Variants in KLHL18 observed in about 807,000 individuals in gnomAD.
The protein encoded by KLHL18 is kelch like family member 18, also known as kelch-like protein 18.
In KLHL18, 38 loss-of-function variants were observed where a neutral mutation model predicts 58.5. That is an observed-to-expected ratio of 0.65 (90% CI 0.50 to 0.85). The LOEUF is 0.85. KLHL18 is among the 40% of genes least tolerant of loss of function. The pLI is 0.00. For missense variants in KLHL18, 624 were observed against 778.4 expected, an observed-to-expected ratio of 0.80 and a Z score of 2.36; for synonymous variants, 303 against 301.9, an observed-to-expected ratio of 1.00 and a Z score of -0.04.
chr3:47,296,950 C>T (rs1702908838), intron 1 of KLHL18, among the ~76,000 whole-genome samples: 1 of 152,190 alleles, frequency 6.6e-6, no homozygotes, highest in Admixed American at 6.5e-5. Context: ...GAGGACTCTG[C>T]CCACTTCTCT....
At chr3:47,342,873 C>A in intron 9 of KLHL18, 43 bp downstream of exon 9, 1 of 1,387,832 alleles carries the variant, frequency 7.2e-7, no homozygotes, top group Non-Finnish European at 1.0e-6. Flanking sequence ...CTACTTCTGT[C>A]TTTGAGATTT....
chr3:47,310,425 T>G (rs141061633), intron 1 of KLHL18, among the ~76,000 whole-genome samples: 24 of 152,380 alleles, frequency 1.6e-4, no homozygotes, highest in African/African-American at 5.3e-4. Context: ...AGGTGATCTT[T>G]AGATGTTGAA....
chr3:47,295,738 T>A (rs539640007), intron 1 of KLHL18, among the ~76,000 whole-genome samples: 3 of 151,708 alleles, frequency 2.0e-5, no homozygotes, highest in Non-Finnish European at 1.5e-5. Flanking sequence ...TCAGTTAATT[T>A]AAAAAAAAAT....
intron 1 of KLHL18, among the ~76,000 whole-genome samples, chr3:47,314,685 A>G (rs1703381687): frequency 6.6e-6 from 1 of 152,192 alleles, no homozygotes; most frequent in African/African-American, 2.4e-5. Context: ...GTAATTTTCT[A>G]GATCTGCCCT....
intron 5 of KLHL18, 97 bp downstream of exon 5, chr3:47,333,414 G>A (rs1409766063): frequency 1.6e-6 from 2 of 1,216,008 alleles, no homozygotes; most frequent in Non-Finnish European, 2.3e-6. Context: ...AGCATTTAGA[G>A]TGATCAGTCT....
At chr3:47,308,222 T>A (rs1047069778) in intron 1 of KLHL18, among the ~76,000 whole-genome samples, 3 of 152,138 alleles carry the variant, frequency 2.0e-5, no homozygotes, top group African/African-American at 7.2e-5. Context: ...TGTTCTTTTT[T>A]TTTTTTCCTG....
At chr3:47,286,592 TTC>T (rs1263495194) in intron 1 of KLHL18, among the ~76,000 whole-genome samples, 2 of 152,162 alleles carry the variant, frequency 1.3e-5, no homozygotes, top group Non-Finnish European at 2.9e-5. Context: ...CACCCAGAAT[TTC>T]TGATTCATTA....
At chr3:47,319,350 C>A (rs1576164791) in intron 1 of KLHL18, among the ~76,000 whole-genome samples, 1 of 152,346 alleles carries the variant, frequency 6.6e-6, no homozygotes, top group East Asian at 1.9e-4. Flanking sequence ...GCATTGGAGA[C>A]TACCATATAA....
In KLHL18 at chr3:47,343,547, C is replaced by G. The variant is rs774520362; in HGVS notation, c.1339-8C>G. The G allele has an allele frequency of 1.2e-6, 2 of 1,612,896 alleles. No individual in the cohort carries two copies. The highest frequency in any genetic ancestry group is 1.1e-5 in the South Asian group (1 of 91,030). ...TGTCCTGTACCTGTGCCTCTCTCCC[C>G]ACTGCAGGTGGAACACTACAACCAC... On this transcript the variant is annotated splice_polypyrimidine_tract_variant and splice_region_variant and intron_variant, in intron 9 of 9. Transcript: ENST00000232766.
chr3:47,305,749 T>C (rs756826918), intron 1 of KLHL18, among the ~76,000 whole-genome samples: 25 of 152,282 alleles, frequency 1.6e-4, no homozygotes, highest in Non-Finnish European at 3.4e-4. Flanking sequence ...AGATTTCTTT[T>C]TCAAGCATTT....
chr3:47,319,588 T>A, intron 1 of KLHL18, 65 bp from the exon 2 acceptor site: 1 of 1,577,464 alleles, frequency 6.3e-7, no homozygotes, highest in Non-Finnish European at 8.6e-7. Flanking sequence ...GGGTGGGTTT[T>A]TTTGTTTGTT....
rs192941866 is a variant in KLHL18, at chr3:47,326,965, G to A, written c.402-2986G>A. ...AAAGGAAGGTGTGTTTTGGCCGGGC[G>A]TGGTGGCTCACGCTTGTTATCCTGG... On this transcript the variant is annotated intron_variant, in intron 3 of 9. Coordinates refer to ENST00000232766, the MANE Select transcript of KLHL18 (RefSeq NM_025010.5). Among the ~76,000 whole-genome samples, 25 of 151,704 alleles carry A rather than the reference G, an allele frequency of 1.6e-4. No homozygotes were observed. The East Asian group carries it at 3.9e-3, about 24-fold the overall frequency.
rs910794290 is a variant in KLHL18 at position 47,334,134 on chromosome 3, G to T, written c.762-549G>T. ...GGAGTAGTGTCTGGAGGTAGCTAGG[G>T]CCCAGTGACCAGCGGTCTCAAGGGT... On this transcript the variant is annotated intron_variant, in intron 5 of 9. Coordinates refer to ENST00000232766, the MANE Select transcript of KLHL18 (RefSeq NM_025010.5). The surrounding 1 kb of genome is among the most constrained non-coding windows in gnomAD (Gnocchi z 4.7). Among the ~76,000 whole-genome samples, 1 of 152,146 alleles carries T rather than the reference G, an allele frequency of 6.6e-6. No homozygotes were observed. Among genetic ancestry groups the T allele is most frequent in the African/African-American group, 2.4e-5 (1 of 41,434 alleles).
chr3:47,285,608 A>G (rs1158314194), intron 1 of KLHL18, among the ~76,000 whole-genome samples: 1 of 152,208 alleles, frequency 6.6e-6, no homozygotes, highest in Non-Finnish European at 1.5e-5. Flanking sequence ...GGAATCTTAC[A>G]AGACACAGGG....
intron 2 of KLHL18, among the ~76,000 whole-genome samples, chr3:47,320,097 T>G (rs180843730): frequency 6.6e-6 from 1 of 152,048 alleles, no homozygotes; most frequent in Admixed American, 6.6e-5. Context: ...TTCTCTGCAC[T>G]TTTCTGGGCT....
At position 47,343,813 on chromosome 3, in the gene KLHL18, G is replaced by T; in HGVS notation, c.1597G>T (p.Asp533Tyr). 6.2e-7 allele frequency: 1 copy of T among 1,614,202 alleles called. No individual in the cohort carries two copies. The highest frequency in any genetic ancestry group is 8.5e-7 in the Non-Finnish European group (1 of 1,180,048). ...CGRLYAVGGY[D>Y]GQSNLSSVEM... Reference sequence around the variant, plus strand: ...GCGCCTCTACGCTGTTGGGGGCTACGACGGACAGTCAAACCTAAGCTCAGT... The same window carrying T: ...GCGCCTCTACGCTGTTGGGGGCTACTACGGACAGTCAAACCTAAGCTCAGT... Residue 533 changes from aspartate (D) to tyrosine (Y), a missense_variant, in exon 10 of 10, where the codon GAC becomes TAC. Transcript: ENST00000232766.
At chr3:47,312,979 G>C (rs368890153) in intron 1 of KLHL18, among the ~76,000 whole-genome samples, 1 of 141,332 alleles carries the variant, frequency 7.1e-6, no homozygotes. Flanking sequence ...GCGCAATCTC[G>C]GCTCACTGTA....
In KLHL18 at chr3:47,346,487, G is replaced by A. The variant is rs1246608752; in HGVS notation, c.*2546G>A. 3 of 152,602 alleles carry A rather than the reference G, an allele frequency of 2.0e-5. No homozygotes were observed. Among genetic ancestry groups the A allele is most frequent in the Admixed American group, 6.5e-5 (1 of 15,282 alleles). 9.5% of individuals were successfully genotyped at this position (152,602 alleles called of 1,614,324 possible). A position where few individuals can be genotyped will look rare whatever the true frequency, so the allele number is the denominator to read the frequency against. On this transcript the variant is annotated 3_prime_UTR_variant, in exon 10 of 10. Transcript: ENST00000232766. ...CCCCATGAAAAGAAGCATCACCCAAGGATATTGTAAAAAGGATGTAACAAG... is the reference window on the plus strand; with the variant it reads ...CCCCATGAAAAGAAGCATCACCCAAAGATATTGTAAAAAGGATGTAACAAG...
intron 6 of KLHL18, among the ~76,000 whole-genome samples, chr3:47,336,061 T>C (rs1239877010): frequency 1.3e-5 from 2 of 152,208 alleles, no homozygotes; most frequent in Non-Finnish European, 2.9e-5. Context: ...GCGCAAAGTT[T>C]ATTCTAGAAC....
Sources: gnomAD v4.1 joint callset for allele counts (sites outside exome capture counted in the v4.1 genomes callset) on GRCh38, gnomAD v4.1.1 for gene constraint, Gnocchi (gnomAD v3.1) non-coding constraint, MANE v1.5 for transcripts, NCBI Gene and HGNC (gene_info 2026-07-23, HGNC 2026-07-21) for gene names.